FGD4: variants seen among roughly 807,000 people sequenced by gnomAD.
The protein encoded by FGD4 is FYVE, RhoGEF and PH domain containing 4.
Under a neutral mutation model 102.0 loss-of-function variants are expected in FGD4, and 42 were observed. The ratio of observed to expected loss-of-function variants is 0.41; its 90% confidence interval spans 0.32 to 0.53. The LOEUF is 0.53. Ranked by LOEUF, FGD4 falls within the 20% of genes least tolerant of loss-of-function variation. FGD4 has a pLI of 0.21. For missense variants in FGD4, 902 were observed against 1,078.2 expected, an observed-to-expected ratio of 0.84 and a Z score of 2.29; for synonymous variants, 380 against 375.7, an observed-to-expected ratio of 1.01 and a Z score of -0.13.
At chr12:32,632,402 C>G (rs1222289254) in intron 14 of FGD4, among the ~76,000 whole-genome samples, 1 of 152,158 alleles carries the variant, frequency 6.6e-6, no homozygotes, top group Non-Finnish European at 1.5e-5. Context: ...CACTCTGTGT[C>G]CTGGGGTTTG....
At chr12:32,424,076 A>AT (rs1864869091) in intron 1 of FGD4, among the ~76,000 whole-genome samples, 1 of 151,832 alleles carries the variant, frequency 6.6e-6, no homozygotes, top group African/African-American at 2.4e-5. Flanking sequence ...TTATTTATTT[A>AT]TTTTTTGTTA....
At chr12:32,407,515 C>T (rs953271414) in intron 1 of FGD4, among the ~76,000 whole-genome samples, 5 of 152,158 alleles carry the variant, frequency 3.3e-5, no homozygotes, top group African/African-American at 1.2e-4. Context: ...TGGGTAAACC[C>T]CACTTTGGTC....
intron 1 of FGD4, among the ~76,000 whole-genome samples, chr12:32,550,292 C>T (rs956570676): frequency 3.3e-5 from 5 of 152,248 alleles, no homozygotes; most frequent in African/African-American, 9.6e-5. Context: ...TGCAGTTGAT[C>T]ATTGGCTATT....
chr12:32,481,328 G>A (rs1261817115), intron 1 of FGD4, among the ~76,000 whole-genome samples: 2 of 151,948 alleles, frequency 1.3e-5, no homozygotes, highest in East Asian at 3.9e-4. Context: ...ATACATTGTG[G>A]CAATGCAAGT....
intron 1 of FGD4, among the ~76,000 whole-genome samples, chr12:32,517,061 C>G (rs1939968549): frequency 6.6e-6 from 1 of 152,300 alleles, no homozygotes; most frequent in South Asian, 2.1e-4. Context: ...TTAACACATT[C>G]AAATCAGCAA....
rs543501124 is a variant in FGD4, at chr12:32,464,487, A to G, written c.166+64528A>G. Among the ~76,000 whole-genome samples, 93 of 152,194 alleles carry G rather than the reference A, an allele frequency of 6.1e-4. 3 individuals carry two copies. In the Middle Eastern group the frequency reaches 0.014, roughly 22 times the overall value. On this transcript the variant is annotated intron_variant, in intron 1 of 16. Transcript: ENST00000534526. The stretch of plus-strand genomic sequence containing the variant: ...TTTATAATTGTTTTTGGCCCCAACC[A>G]CCTGAAGTTTGATTCCACAAGGGAT...
At chr12:32,576,560 A>G in intron 3 of FGD4, 111 bp downstream of exon 3, 1 of 1,205,404 alleles carries the variant, frequency 8.3e-7, no homozygotes, top group Non-Finnish European at 1.2e-6. Context: ...TTATTCCATT[A>G]GGTTTGGTAG....
intron 1 of FGD4, among the ~76,000 whole-genome samples, chr12:32,545,501 T>C (rs1448053913): frequency 2.0e-5 from 3 of 152,242 alleles, no homozygotes; most frequent in African/African-American, 7.2e-5. Context: ...ATGGTCCCTG[T>C]TGCAACTACT....
intron 1 of FGD4, among the ~76,000 whole-genome samples, chr12:32,441,667 T>C (rs754934590): frequency 6.6e-6 from 1 of 152,008 alleles, no homozygotes; most frequent in Non-Finnish European, 1.5e-5. Flanking sequence ...CTAGTTTGTA[T>C]CTTAGTATGT....
intron 1 of FGD4, among the ~76,000 whole-genome samples, chr12:32,491,309 T>A (rs976703643): frequency 6.6e-6 from 1 of 152,122 alleles, no homozygotes; most frequent in African/African-American, 2.4e-5. Flanking sequence ...GAATTTGCAA[T>A]TTAAGATCTT....
chr12:32,567,595 A>G (rs1306712404), intron 2 of FGD4, among the ~76,000 whole-genome samples: 1 of 152,098 alleles, frequency 6.6e-6, no homozygotes, highest in Non-Finnish European at 1.5e-5. Context: ...GCATTTGCAA[A>G]ACTCTCACCT....
In FGD4 at chr12:32,640,450, ACAGGTGAGACAC is replaced by A; in HGVS notation, c.2636_2647del (p.Glu879_Gly882del). The A allele has an allele frequency of 6.2e-7, 1 of 1,614,168 alleles. No individual in the cohort carries two copies. The highest frequency in any genetic ancestry group is 8.5e-7 in the Non-Finnish European group (1 of 1,180,030). ...GCTGAAAGTCATCCTTTTAGCTGTC[ACAGGTGAGACAC>A]CAGGTGGTCCAAATGAGCATCCAGC... On this transcript the variant is annotated inframe_deletion, in exon 17 of 17. Coordinates refer to ENST00000534526, the MANE Select transcript of FGD4 (RefSeq NM_001370298.3).
chr12:32,605,973 A>C (rs1402453403), intron 7 of FGD4, among the ~76,000 whole-genome samples: 1 of 152,152 alleles, frequency 6.6e-6, no homozygotes, highest in Non-Finnish European at 1.5e-5. Context: ...ATTATGATGA[A>C]ATGACATGGG....
rs1949675872 is a variant in FGD4, at chr12:32,619,613, CAG to C, written c.1750-82_1750-81del. 58 of 1,469,832 alleles carry C rather than the reference CAG, an allele frequency of 3.9e-5. 2 individuals carry two copies. In the South Asian group the frequency reaches 6.2e-4, roughly 16 times the overall value. 91.0% of individuals were successfully genotyped at this position (1,469,832 alleles called of 1,614,324 possible). A position where few individuals can be genotyped will look rare whatever the true frequency, so the allele number is the denominator to read the frequency against. On this transcript the variant is annotated intron_variant, in intron 10 of 16. Transcript: ENST00000534526. ...CACTATTACACTCCAGCCTGGGCAA[CAG>C]AGTGAGACTCTGTCTCAAAAAAAAA...
chr12:32,466,602 T>C (rs973562956), intron 1 of FGD4, among the ~76,000 whole-genome samples: 1 of 152,066 alleles, frequency 6.6e-6, no homozygotes, highest in Non-Finnish European at 1.5e-5. Flanking sequence ...GCGCGGTGGC[T>C]CACAGCTGAA....
intron 4 of FGD4, among the ~76,000 whole-genome samples, chr12:32,584,161 A>G (rs989636212): frequency 2.6e-5 from 4 of 152,196 alleles, no homozygotes; most frequent in Admixed American, 2.6e-4. Context: ...TACACAGTGG[A>G]TGGCACATGC....
At chr12:32,456,424 T>A (rs571038896) in intron 1 of FGD4, among the ~76,000 whole-genome samples, 1 of 152,276 alleles carries the variant, frequency 6.6e-6, no homozygotes, top group East Asian at 1.9e-4. Context: ...CTGAGTAATT[T>A]CTATTTAGTG....
At chr12:32,402,781 C>T (rs76019568) in intron 1 of FGD4, among the ~76,000 whole-genome samples, 3,212 of 152,050 alleles carry the variant, frequency 0.021, 49 homozygotes, top group Non-Finnish European at 0.029. Context: ...AGCCATTCCC[C>T]TTACCATGAT....
intron 5 of FGD4, among the ~76,000 whole-genome samples, chr12:32,599,532 A>ATTT (rs1948203574): frequency 3.4e-4 from 16 of 47,692 alleles, no homozygotes; most frequent in East Asian, 2.7e-3. Context: ...AAACTAAGGC[A>ATTT]TCTTTTTTTT....
Sources: gnomAD v4.1 joint callset for allele counts (sites outside exome capture counted in the v4.1 genomes callset) on GRCh38, gnomAD v4.1.1 for gene constraint, MANE v1.5 for transcripts, NCBI Gene and HGNC (gene_info 2026-07-23, HGNC 2026-07-21) for gene names.